CXCL13: variants seen among roughly 807,000 people sequenced by gnomAD.
CXCL13 encodes C-X-C motif chemokine ligand 13.
In CXCL13, 7 loss-of-function variants were observed where a neutral mutation model predicts 12.2. The ratio of observed to expected loss-of-function variants is 0.57; its 90% CI spans 0.33 to 1.07. The LOEUF (loss-of-function observed/expected upper bound fraction) is 1.07. CXCL13 is among the 50% of genes least tolerant of loss of function. CXCL13 has a pLI of 0.04. For synonymous variants in CXCL13, 47 were observed against 42.4 expected (o/e 1.11, Z -0.42); for missense variants, 113 against 127.4 (o/e 0.89, Z 0.55).
intron 1 of CXCL13, among the ~76,000 whole-genome samples, chr4:77,577,330 G>C (rs938784591): frequency 6.6e-6 from 1 of 152,032 alleles, no homozygotes; most frequent in Non-Finnish European, 1.5e-5. Flanking sequence ...CTTAGCATTT[G>C]GATTATAATA....
intron 1 of CXCL13, among the ~76,000 whole-genome samples, chr4:77,565,673 A>T (rs536097723): frequency 2.0e-5 from 3 of 152,200 alleles, no homozygotes; most frequent in Non-Finnish European, 4.4e-5. Context: ...AGTGTAAAAC[A>T]GGGTGATCCT....
chr4:77,606,276 C>A (rs188128065), intron 1 of CXCL13, among the ~76,000 whole-genome samples: 31 of 152,300 alleles, frequency 2.0e-4, no homozygotes, highest in African/African-American at 6.7e-4. Flanking sequence ...TCTGACCAAA[C>A]CCTATACAGG....
Position 77,607,815 on chromosome 4 carries a change from T to G in CXCL13, c.177T>G (p.Gly59=). ...DRIQILPRGN[G]CPRKEIIVWK... is the part of the protein sequence containing the mutation. The stretch of plus-strand genomic sequence containing the variant: ...TTCAAATCTTGCCCCGTGGGAATGG[T>G]TGTCCAAGAAAAGAAATCATGTAAG... Residue 59 remains glycine (G), a synonymous_variant, in exon 2 of 4, where the codon GGT becomes GGG. Coordinates refer to ENST00000682537, the MANE Select transcript of CXCL13 (RefSeq NM_001371558.1). 6.2e-7 allele frequency: 1 copy of G among 1,613,962 alleles called. No homozygotes were observed. Among genetic ancestry groups the G allele is most frequent in the Non-Finnish European group, 8.5e-7 (1 of 1,179,966 alleles).
Position 77,606,074 on chromosome 4 carries a change from G to A in CXCL13, c.64+145G>A, listed in dbSNP as rs1218324869. 3 of 463,224 alleles carry A rather than the reference G, an allele frequency of 6.5e-6. No individual in the cohort carries two copies. In the East Asian group the frequency reaches 9.9e-5, roughly 15 times the overall value. 28.7% of individuals were successfully genotyped at this position (463,224 alleles called of 1,614,324 possible). Reference sequence around the variant, plus strand: ...TTCCTTCTAGATTTCTCAAAGTAAGGTGTTTAGGAATTTAACTCTTCAAAA... The same window carrying A: ...TTCCTTCTAGATTTCTCAAAGTAAGATGTTTAGGAATTTAACTCTTCAAAA... On this transcript the variant is annotated intron_variant, in intron 1 of 3. Transcript: ENST00000682537.
intron 1 of CXCL13, among the ~76,000 whole-genome samples, chr4:77,514,233 CTT>C (rs1724350426): frequency 6.6e-6 from 1 of 152,060 alleles, no homozygotes; most frequent in Non-Finnish European, 1.5e-5. Context: ...GGTTCCAAGT[CTT>C]TGCTATTGTG....
At chr4:77,593,119 T>C (rs1726656198) in intron 1 of CXCL13, among the ~76,000 whole-genome samples, 1 of 152,176 alleles carries the variant, frequency 6.6e-6, no homozygotes, top group Non-Finnish European at 1.5e-5. Flanking sequence ...GCAATTTTTT[T>C]CCCTCATCGA....
At chr4:77,602,452 G>A (rs1299519564), upstream of CXCL13, among the ~76,000 whole-genome samples, 1 of 152,150 alleles carries the variant, frequency 6.6e-6, no homozygotes, top group Non-Finnish European at 1.5e-5. Flanking sequence ...GCTTATGTTA[G>A]ACCAGGCCCA....
upstream of CXCL13, among the ~76,000 whole-genome samples, chr4:77,603,236 A>G (rs1323048022): frequency 2.6e-5 from 4 of 152,240 alleles, no homozygotes; most frequent in Non-Finnish European, 5.9e-5. Flanking sequence ...TCTCAAGATC[A>G]TATCACAAAA....
At chr4:77,513,911 C>A (rs1168702323) in intron 1 of CXCL13, among the ~76,000 whole-genome samples, 1 of 151,702 alleles carries the variant, frequency 6.6e-6, no homozygotes, top group Non-Finnish European at 1.5e-5. Flanking sequence ...ACCACTAACT[C>A]GTCATCTAGC....
chr4:77,548,369 C>T (rs1400472692), intron 1 of CXCL13, among the ~76,000 whole-genome samples: 1 of 152,176 alleles, frequency 6.6e-6, no homozygotes, highest in African/African-American at 2.4e-5. Context: ...TACTTTGTTC[C>T]AGTCATGTGC....
intron 1 of CXCL13, among the ~76,000 whole-genome samples, chr4:77,538,967 T>C (rs1725136482): frequency 6.6e-6 from 1 of 152,096 alleles, no homozygotes; most frequent in Non-Finnish European, 1.5e-5. Context: ...AGAGTGAAAG[T>C]TTATTAAGCT....
chr4:77,610,685 T>C lies in CXCL13; in HGVS notation c.269T>C (p.Val90Ala). ...QAEWIQRMME[V>A]LRKRSSSTLP... ...GAATGGATACAAAGAATGATGGAAG[T>C]ATTGAGAAAGTAAGTTAGGCATAAC... Residue 90 changes from valine to alanine, a missense_variant, in exon 3 of 4, where the codon GTA becomes GCA. Val to Ala is a moderately conservative substitution (Grantham distance 64, BLOSUM62 0). Coordinates refer to ENST00000682537, the MANE Select transcript of CXCL13 (RefSeq NM_001371558.1). 6.2e-7 allele frequency: 1 copy of C among 1,611,774 alleles called. No individual in the cohort carries two copies. Among genetic ancestry groups the C allele is most frequent in the Non-Finnish European group, 8.5e-7 (1 of 1,177,866 alleles).
intron 1 of CXCL13, among the ~76,000 whole-genome samples, chr4:77,570,822 A>G (rs1177692943): frequency 6.7e-6 from 1 of 149,982 alleles, no homozygotes; most frequent in Non-Finnish European, 1.5e-5. Context: ...GCAGCTGCAG[A>G]GGGTGTACTG....
At position 77,577,839 on chromosome 4, in the gene CXCL13, T is replaced by C. The variant is rs767485428; in HGVS notation, c.-42-27985T>C. ...ACCTGCTCCCTTCTTTCTAGATGAG[T>C]AGCTATTCACCTTCAGACTTTACCC... On this transcript the variant is annotated intron_variant, in intron 1 of 4. Coordinates refer to the CXCL13 transcript ENST00000286758. Among the ~76,000 whole-genome samples the C allele has an allele frequency of 8.5e-5, 13 of 152,224 alleles. No homozygotes were observed. The South Asian group carries it at 2.3e-3, about 27-fold the overall frequency.
At chr4:77,552,751 G>A (rs986288759) in intron 1 of CXCL13, among the ~76,000 whole-genome samples, 1 of 152,366 alleles carries the variant, frequency 6.6e-6, no homozygotes, top group South Asian at 2.1e-4. Context: ...TTCTCTGCAT[G>A]GGGATGGCGA....
intron 1 of CXCL13, among the ~76,000 whole-genome samples, chr4:77,553,196 C>T (rs78728085): frequency 0.016 from 2,403 of 152,310 alleles, 71 homozygotes; most frequent in African/African-American, 0.055. Flanking sequence ...GCTGTAGCAG[C>T]TCTCTTCCTG....
At chr4:77,586,834 G>A (rs1726482255) in intron 1 of CXCL13, among the ~76,000 whole-genome samples, 1 of 152,198 alleles carries the variant, frequency 6.6e-6, no homozygotes, top group Admixed American at 6.5e-5. Flanking sequence ...AAAGGTTAAA[G>A]TCCAGAGAGG....
intron 1 of CXCL13, among the ~76,000 whole-genome samples, chr4:77,570,045 ATGGTACTGGGATAAC>A (rs1395380522): frequency 6.6e-6 from 1 of 152,228 alleles, no homozygotes; most frequent in Non-Finnish European, 1.5e-5. Context: ...TATTCAATAA[ATGGTACTGGGATAAC>A]TGGTAAGCCA....
intron 1 of CXCL13, among the ~76,000 whole-genome samples, chr4:77,570,605 C>A (rs1411803833): frequency 6.6e-6 from 1 of 152,218 alleles, no homozygotes; most frequent in Admixed American, 6.5e-5. Context: ...ACCGTGGGAG[C>A]CCCTTTCTGG....
Sources: gnomAD v4.1 joint callset for allele counts (sites outside exome capture counted in the v4.1 genomes callset) on GRCh38, gnomAD v4.1.1 for gene constraint, MANE v1.5 for transcripts, NCBI Gene and HGNC (gene_info 2026-07-23, HGNC 2026-07-21) for gene names.